Variants in CTTNBP2 observed in about 807,000 individuals in gnomAD.
CTTNBP2 encodes the protein cortactin-binding protein 2.
A neutral mutation model predicts 156.9 loss-of-function variants in CTTNBP2; 108 were observed. The observed-to-expected ratio is 0.69, with a 90% confidence interval of 0.59 to 0.81. CTTNBP2 has a LOEUF of 0.81. CTTNBP2 is among the 30% of genes least tolerant of loss of function. CTTNBP2 has a pLI of 0.00. For missense variants in CTTNBP2, 1,924 were observed against 2,035.4 expected (o/e 0.95, Z 1.05); for synonymous variants, 767 against 751.8 (o/e 1.02, Z -0.33).
intron 4 of CTTNBP2, among the ~76,000 whole-genome samples, chr7:117,789,022 C>T (rs1486464067): frequency 6.6e-6 from 1 of 152,104 alleles, no homozygotes; most frequent in Non-Finnish European, 1.5e-5. Flanking sequence ...TTTTGCTCTC[C>T]AGACATAAGT....
intron 2 of CTTNBP2, among the ~76,000 whole-genome samples, chr7:117,854,783 A>ATTT (rs1803172488): frequency 6.6e-6 from 1 of 151,096 alleles, no homozygotes; most frequent in African/African-American, 2.4e-5. Context: ...TTAATTAATT[A>ATTT]ATTTATTTAT....
intron 9 of CTTNBP2, 57 bp downstream of exon 9, chr7:117,767,002 C>T (rs1026012216): frequency 1.0e-6 from 1 of 962,782 alleles, no homozygotes; most frequent in African/African-American, 1.6e-5. Flanking sequence ...TCCCATTGTA[C>T]CAGAGGCCCC....
intron 3 of CTTNBP2, among the ~76,000 whole-genome samples, chr7:117,797,739 AG>A (rs1799398003): frequency 1.4e-5 from 2 of 146,680 alleles, no homozygotes; most frequent in Non-Finnish European, 3.0e-5. Context: ...ATAAAGCAAA[AG>A]CAAGTATTCG....
intron 14 of CTTNBP2, 98 bp downstream of exon 14, chr7:117,745,733 A>G: frequency 1.3e-6 from 1 of 777,864 alleles, no homozygotes; most frequent in African/African-American, 1.7e-5. Flanking sequence ...AAGTTATCTT[A>G]AATGTATCCC....
At chr7:117,767,314 C>A (rs1797538130) in intron 8 of CTTNBP2, 138 bp from the exon 9 acceptor site, 4 of 631,132 alleles carry the variant, frequency 6.3e-6, no homozygotes, top group Non-Finnish European at 1.1e-5. Flanking sequence ...CCATCAACCC[C>A]AATATACAGA....
At chr7:117,743,645 C>T (rs1796139929) in intron 14 of CTTNBP2, among the ~76,000 whole-genome samples, 1 of 151,218 alleles carries the variant, frequency 6.6e-6, no homozygotes, top group Admixed American at 6.6e-5. Context: ...GCCTGTAGCC[C>T]CAGCTACTCG....
At chr7:117,724,912 A>C in intron 18 of CTTNBP2, 140 bp downstream of exon 18, 1 of 1,029,172 alleles carries the variant, frequency 9.7e-7, no homozygotes, top group Non-Finnish European at 1.4e-6. Flanking sequence ...TTAACCAGTA[A>C]TTAAAATCAC....
At chr7:117,763,738 T>G (rs1797333961) in intron 9 of CTTNBP2, among the ~76,000 whole-genome samples, 1 of 151,692 alleles carries the variant, frequency 6.6e-6, no homozygotes, top group Admixed American at 6.6e-5. Context: ...CCTGGCAATT[T>G]ATTTTTATTT....
chr7:117,723,054 G>C (rs536357330), intron 19 of CTTNBP2, among the ~76,000 whole-genome samples: 2 of 152,158 alleles, frequency 1.3e-5, no homozygotes, highest in African/African-American at 2.4e-5. Context: ...TACTAAATTG[G>C]TGGGCTGGAG....
chr7:117,798,707 T>G lies in CTTNBP2; in HGVS notation c.415-5926A>C, dbSNP rs1422580046. Reference sequence around the variant, plus strand: ...AAAGATGGACAAAGTAAATCCAAAGTAGAAGGAATCAAATACCAAAGAAAT... The same window carrying G: ...AAAGATGGACAAAGTAAATCCAAAGGAGAAGGAATCAAATACCAAAGAAAT... On this transcript the variant is annotated intron_variant, in intron 3 of 22. Transcript: ENST00000160373. Among the ~76,000 whole-genome samples, 3 of 151,826 alleles carry G rather than the reference T, an allele frequency of 2.0e-5. No homozygotes were observed. The East Asian group carries it at 5.8e-4, about 29-fold the overall frequency.
intron 4 of CTTNBP2, 84 bp downstream of exon 4, chr7:117,791,044 T>G (rs1279795696): frequency 3.4e-6 from 4 of 1,173,278 alleles, no homozygotes; most frequent in Admixed American, 2.3e-5. Flanking sequence ...AAAAAAAAGT[T>G]TCAAGGCAAT....
chr7:117,724,348 T>C (rs549767486), intron 19 of CTTNBP2, among the ~76,000 whole-genome samples, 199 bp downstream of exon 19: 2 of 152,202 alleles, frequency 1.3e-5, no homozygotes, highest in Non-Finnish European at 2.9e-5. Context: ...TTGAAAGCGG[T>C]ATTTTTCAGG....
At chr7:117,776,451 G>A (rs879873254) in intron 8 of CTTNBP2, among the ~76,000 whole-genome samples, 79 of 152,088 alleles carry the variant, frequency 5.2e-4, no homozygotes, top group African/African-American at 1.8e-3. Flanking sequence ...CTATGTCATT[G>A]AAGGCCCTGG....
intron 2 of CTTNBP2, among the ~76,000 whole-genome samples, chr7:117,836,481 A>G (rs141006819): frequency 0.014 from 2,150 of 152,254 alleles, 18 homozygotes; most frequent in Middle Eastern, 0.034. Flanking sequence ...GGAGAATGGC[A>G]TGAACCCAGA....
chr7:117,780,374 A>G, intron 7 of CTTNBP2, 67 bp downstream of exon 7: 1 of 1,050,102 alleles, frequency 9.5e-7, no homozygotes, highest in Non-Finnish European at 1.3e-6. Context: ...TTGTTTTTCT[A>G]GTTATAGAGT....
chr7:117,759,314 G>A (rs1308807375), intron 10 of CTTNBP2, among the ~76,000 whole-genome samples: 1 of 152,052 alleles, frequency 6.6e-6, no homozygotes, highest in Non-Finnish European at 1.5e-5. Flanking sequence ...GTCTCAGTAT[G>A]TTGCCCATGC....
chr7:117,817,790 CT>C (rs905279406), intron 2 of CTTNBP2, among the ~76,000 whole-genome samples: 2 of 151,996 alleles, frequency 1.3e-5, no homozygotes, highest in Admixed American at 1.3e-4. Context: ...TTGCTAGGTG[CT>C]TTTTATGCAT....
intron 14 of CTTNBP2, among the ~76,000 whole-genome samples, chr7:117,742,478 GGA>G (rs990137181): frequency 1.2e-4 from 18 of 152,290 alleles, no homozygotes; most frequent in African/African-American, 3.8e-4. Context: ...ACTGGGCAAT[GGA>G]GAGATGCGGG....
intron 2 of CTTNBP2, among the ~76,000 whole-genome samples, chr7:117,826,473 TC>T (rs1801288422): frequency 6.6e-6 from 1 of 152,152 alleles, no homozygotes; most frequent in African/African-American, 2.4e-5. Context: ...TATAAGTCTT[TC>T]CCTTATTAAT....
Sources: allele counts gnomAD v4.1 joint callset (sites outside exome capture counted in the v4.1 genomes callset), GRCh38; gene constraint gnomAD v4.1.1; transcripts MANE v1.5; gene names NCBI Gene and HGNC (gene_info 2026-07-23, HGNC 2026-07-21).